The following MYO1D variants were observed in gnomAD, a reference collection of about 807,000 sequenced individuals.
MYO1D encodes unconventional myosin-Id.
Under a neutral mutation model 122.0 loss-of-function variants are expected in MYO1D, and 83 were observed. That is an observed-to-expected ratio of 0.68 (90% CI 0.57 to 0.82). The LOEUF (loss-of-function observed/expected upper bound fraction) is 0.82, where lower values mean the gene tolerates loss of function less well. Among genes scored for constraint, MYO1D ranks in the 40% least tolerant of loss-of-function variants. The probability of loss-of-function intolerance (pLI) is 0.00; values close to 1 mark genes in which losing one functional copy is unlikely to be tolerated. For synonymous variants in MYO1D, 464 were observed against 446.9 expected (o/e 1.04, Z -0.48); for missense variants, 1,157 against 1,269.5 (o/e 0.91, Z 1.35).
chr17:32,756,724 T>C (rs1598070358), intron 10 of MYO1D, among the ~76,000 whole-genome samples: 1 of 152,198 alleles, frequency 6.6e-6, no homozygotes. Flanking sequence ...TTTTACATTT[T>C]TCTAGGCATA....
chr17:32,625,946 C>A (rs2087922314), intron 20 of MYO1D, among the ~76,000 whole-genome samples: 1 of 152,234 alleles, frequency 6.6e-6, no homozygotes, highest in Non-Finnish European at 1.5e-5. Context: ...GTCACACACA[C>A]AAATGATGAA....
intron 21 of MYO1D, among the ~76,000 whole-genome samples, chr17:32,587,421 A>G (rs569896250): frequency 3.2e-4 from 49 of 152,090 alleles, no homozygotes; most frequent in Non-Finnish European, 5.6e-4. Flanking sequence ...CTGAGGCAGA[A>G]GAATTGCTTG....
At chr17:32,655,624 C>T (rs767421648) in intron 17 of MYO1D, among the ~76,000 whole-genome samples, 1 of 152,226 alleles carries the variant, frequency 6.6e-6, no homozygotes, top group Non-Finnish European at 1.5e-5. Flanking sequence ...TGTGAGCTTG[C>T]TTGGTGCGTC....
chr17:32,712,224 G>A, intron 15 of MYO1D, 29 bp from the exon 16 acceptor site: 11 of 1,581,208 alleles, frequency 7.0e-6, no homozygotes, highest in Non-Finnish European at 8.7e-6. Context: ...CAGGGTTAAG[G>A]GAGAAAACCA....
At chr17:32,706,820 C>T (rs2089314533) in intron 16 of MYO1D, among the ~76,000 whole-genome samples, 1 of 152,100 alleles carries the variant, frequency 6.6e-6, no homozygotes, top group African/African-American at 2.4e-5. Flanking sequence ...TTTCAGCCTC[C>T]TGAGTAGCTG....
intron 4 of MYO1D, among the ~76,000 whole-genome samples, chr17:32,773,253 C>A (rs960603347): frequency 6.6e-6 from 1 of 152,212 alleles, no homozygotes; most frequent in African/African-American, 2.4e-5. Context: ...TTCGGCGCCA[C>A]CCTTCAATCT....
At chr17:32,615,420 A>T (rs1377771473) in intron 20 of MYO1D, among the ~76,000 whole-genome samples, 1 of 152,242 alleles carries the variant, frequency 6.6e-6, no homozygotes, top group African/African-American at 2.4e-5. Flanking sequence ...CTAGATAAGG[A>T]GATTTCTAGA....
chr17:32,621,407 C>T (rs889515741), intron 20 of MYO1D, among the ~76,000 whole-genome samples: 3 of 151,890 alleles, frequency 2.0e-5, no homozygotes, highest in East Asian at 1.9e-4. Context: ...TCCCACTAAA[C>T]GACAAGCAGA....
chr17:32,632,887 G>A (rs2088040535), intron 20 of MYO1D, among the ~76,000 whole-genome samples: 1 of 152,230 alleles, frequency 6.6e-6, no homozygotes, highest in East Asian at 1.9e-4. Context: ...GAATCCGGAA[G>A]AGGTGTATGG....
chr17:32,561,620 G>A (rs1275350182), intron 21 of MYO1D, among the ~76,000 whole-genome samples: 2 of 149,812 alleles, frequency 1.3e-5, no homozygotes, highest in Non-Finnish European at 3.0e-5. Flanking sequence ...AACCCAGGAG[G>A]AGGAGGTTGC....
intron 1 of MYO1D, among the ~76,000 whole-genome samples, chr17:32,786,640 C>T (rs1034507555): frequency 1.3e-5 from 2 of 152,064 alleles, no homozygotes; most frequent in East Asian, 1.9e-4. Flanking sequence ...GCCAACATGG[C>T]GAAACGCCGG....
intron 21 of MYO1D, among the ~76,000 whole-genome samples, chr17:32,514,124 C>T (rs1477530700): frequency 6.6e-6 from 1 of 151,468 alleles, no homozygotes; most frequent in Non-Finnish European, 1.5e-5. Flanking sequence ...TGCCTGTAAT[C>T]CTAGTTACTC....
intron 21 of MYO1D, among the ~76,000 whole-genome samples, chr17:32,595,391 A>T (rs1405151817): frequency 1.3e-5 from 2 of 152,198 alleles, no homozygotes; most frequent in Non-Finnish European, 2.9e-5. Context: ...AATTACCTTG[A>T]TTTGATCATT....
At chr17:32,844,340 ATATAT>A (rs996443978) in intron 1 of MYO1D, among the ~76,000 whole-genome samples, 107 of 146,710 alleles carry the variant, frequency 7.3e-4, no homozygotes, top group African/African-American at 1.7e-3. Context: ...ATGTATATGT[ATATAT>A]TATATGTGTA....
intron 21 of MYO1D, among the ~76,000 whole-genome samples, chr17:32,514,999 G>C (rs184653888): frequency 1.6e-4 from 25 of 152,244 alleles, no homozygotes; most frequent in Admixed American, 1.2e-3. Context: ...ATAATGAACA[G>C]GGATAATGTT....
Position 32,605,177 on chromosome 17 carries a change from T to C in MYO1D, c.2774A>G (p.Lys925Arg). ...GCTGAAGAGGCAGACAATGAGGTCT[T>C]TGTTGTCTTTCGTATGGAACACTAC... ...QLVVFHTKDN[K>R]DLIVCLFSKQ... Residue 925 changes from lysine (K) to arginine (R), a missense_variant, in exon 21 of 22, where the codon AAA (lysine) becomes AGA (arginine). By Grantham distance (26) the Lys-to-Arg change is conservative (BLOSUM62 2). Coordinates refer to ENST00000318217, the MANE Select transcript of MYO1D (RefSeq NM_015194.3). The C allele has an allele frequency of 6.2e-7, 1 of 1,610,224 alleles. No individual in the cohort carries two copies. Among genetic ancestry groups the C allele is most frequent in the Non-Finnish European group, 8.5e-7 (1 of 1,177,024 alleles).
rs140066799 is a variant in MYO1D at position 32,801,615 on chromosome 17, T to C, written c.96-20831A>G. 1.4e-3 allele frequency among the ~76,000 whole-genome samples: 218 copies of C among 152,340 alleles called. 1 individual carries two copies. Among genetic ancestry groups the C allele is most frequent in the Middle Eastern group, 6.8e-3 (2 of 294 alleles). On this transcript the variant is annotated intron_variant, in intron 1 of 21. Coordinates refer to ENST00000318217, the MANE Select transcript of MYO1D (RefSeq NM_015194.3). ...AAATATGAAAGAGGGAAGGTTAAAA[T>C]AAACCCCATGGTGTTAGATTGAAAT...
At chr17:32,782,931 T>A (rs998131829) in intron 1 of MYO1D, among the ~76,000 whole-genome samples, 4 of 113,580 alleles carry the variant, frequency 3.5e-5, no homozygotes, top group African/African-American at 1.6e-4. Flanking sequence ...TGAGACTCCA[T>A]CTTAAAAAAA....
At chr17:32,849,612 A>G (rs1174596911) in intron 1 of MYO1D, among the ~76,000 whole-genome samples, 1 of 151,034 alleles carries the variant, frequency 6.6e-6, no homozygotes, top group African/African-American at 2.5e-5. Context: ...GAATTGAACA[A>G]TGAGATCACA....
Sources: gnomAD v4.1 joint callset for allele counts (sites outside exome capture counted in the v4.1 genomes callset) on GRCh38, gnomAD v4.1.1 for gene constraint, MANE v1.5 for transcripts, NCBI Gene and HGNC (gene_info 2026-07-23, HGNC 2026-07-21) for gene names.